Variants in CAMTA1 observed in about 807,000 individuals in gnomAD.
CAMTA1 encodes the protein calmodulin-binding transcription activator 1.
CAMTA1 carries 27 observed loss-of-function variants against 170.9 expected under a neutral mutation model. The ratio of observed to expected loss-of-function variants is 0.16; its 90% confidence interval spans 0.12 to 0.22. The LOEUF is 0.22. Ranked by LOEUF, CAMTA1 falls within the 10% of genes least tolerant of loss-of-function variation. CAMTA1 has a pLI of 1.00. For missense variants in CAMTA1, 1,619 were observed against 2,217.2 expected (o/e 0.73, Z 5.42); for synonymous variants, 833 against 891.5 (o/e 0.93, Z 1.17).
chr1:7,309,270 A>G lies in CAMTA1; in HGVS notation c.438+59644A>G, dbSNP rs1477538234. On this transcript the variant is annotated intron_variant, in intron 5 of 22. Transcript: ENST00000303635. The stretch of plus-strand genomic sequence containing the variant: ...TCATTCTGACAATCTCTGTCTTTTC[A>G]TTATTGCAGTTAGAAAATTTTTTTT... Among the ~76,000 whole-genome samples the G allele has an allele frequency of 2.8e-4, 34 of 119,482 alleles. 1 individual carries two copies. The East Asian group carries it at 7.5e-3, about 27-fold the overall frequency. The allele number at this position is 119,482 out of a possible 152,430, so 78.4% of individuals were successfully genotyped here.
chr1:6,900,456 A>C (rs1676684356), intron 3 of CAMTA1, among the ~76,000 whole-genome samples: 1 of 151,800 alleles, frequency 6.6e-6, no homozygotes, highest in Admixed American at 6.6e-5. Flanking sequence ...ATTGAAAAGC[A>C]CCTGTCTTTT....
chr1:7,172,454 A>G (rs772760734), intron 4 of CAMTA1, among the ~76,000 whole-genome samples: 14 of 152,182 alleles, frequency 9.2e-5, no homozygotes, highest in Admixed American at 4.6e-4. Context: ...CTGGTCCCCA[A>G]TGACTTCTTA....
In CAMTA1 at chr1:7,327,332, G is replaced by A. The variant is rs551484402; in HGVS notation, c.438+77706G>A. ...TGAGGCAGGAGAATGGCATGAACCC[G>A]GGAGACGGAGCTTGCAGTGAGCCGA... On this transcript the variant is annotated intron_variant, in intron 5 of 22. Transcript: ENST00000303635. 2.9e-3 allele frequency among the ~76,000 whole-genome samples: 437 copies of A among 150,744 alleles called. 2 individuals carry two copies. Among genetic ancestry groups the A allele is most frequent in the African/African-American group, 0.01 (417 of 40,954 alleles).
At chr1:7,729,215 C>T (rs1489326767) in intron 11 of CAMTA1, among the ~76,000 whole-genome samples, 1 of 150,314 alleles carries the variant, frequency 6.7e-6, no homozygotes, top group African/African-American at 2.4e-5. Context: ...CTCCTGAGTT[C>T]AAGCGATTTT....
At chr1:6,825,679 GCTTAATGC>G (rs892871529) in intron 3 of CAMTA1, among the ~76,000 whole-genome samples, 37 of 152,182 alleles carry the variant, frequency 2.4e-4, no homozygotes, top group Non-Finnish European at 4.1e-4. Context: ...AAGAAAGTTT[GCTTAATGC>G]TAAGAATTTT....
At chr1:7,467,700 G>T in intron 5 of CAMTA1, 130 bp from the exon 6 acceptor site, 1 of 831,544 alleles carries the variant, frequency 1.2e-6, no homozygotes. Flanking sequence ...AGACGCAGAG[G>T]TGCCCTCGGT....
rs199680940 is a variant in CAMTA1 at position 7,300,678 on chromosome 1, C to CA, written c.438+51065dup. On this transcript the variant is annotated intron_variant, in intron 5 of 22. Transcript: ENST00000303635. The surrounding 1 kb of genome is among the most constrained non-coding windows in gnomAD (Gnocchi z 4.1). ...GACAACAAAGAGCAAAACTCTGTCT[C>CA]AAAAAAAAAAAAATTGTATAGATAT... Among the ~76,000 whole-genome samples, 1,173 of 138,096 alleles carry CA rather than the reference C, an allele frequency of 8.5e-3. 9 individuals carry two copies. Among genetic ancestry groups the CA allele is most frequent in the African/African-American group, 0.013 (486 of 37,910 alleles). The allele number at this position is 138,096 out of a possible 152,430, so 90.6% of individuals were successfully genotyped here.
intron 3 of CAMTA1, among the ~76,000 whole-genome samples, chr1:7,057,229 T>C (rs140944609): frequency 1.3e-5 from 2 of 152,194 alleles, no homozygotes; most frequent in African/African-American, 4.8e-5. Flanking sequence ...GTTTTGCCTT[T>C]GGGTTTCTCA....
intron 3 of CAMTA1, chr1:6,874,312 C>T (rs1374528328): frequency 2.0e-5 from 3 of 152,284 alleles, no homozygotes; most frequent in Non-Finnish European, 4.4e-5. Flanking sequence ...GTTCGAATCC[C>T]ACCTCGACCT....
At position 7,329,414 on chromosome 1, in the gene CAMTA1, C is replaced by A. The variant is rs543375597; in HGVS notation, c.438+79788C>A. On this transcript the variant is annotated intron_variant, in intron 5 of 22. Coordinates refer to ENST00000303635, the MANE Select transcript of CAMTA1 (RefSeq NM_015215.4). ...AGTGGAAAGAAATTCCAAAATTTGA[C>A]ACCAAGCTTAGAACCAAGAGATTCT... Among the ~76,000 whole-genome samples, 15 of 152,266 alleles carry A rather than the reference C, an allele frequency of 9.9e-5. No individual in the cohort carries two copies. In the South Asian group the frequency reaches 3.1e-3, roughly 32 times the overall value.
intron 6 of CAMTA1, among the ~76,000 whole-genome samples, chr1:7,505,362 G>T (rs1252191014): frequency 6.6e-6 from 1 of 152,194 alleles, no homozygotes; most frequent in African/African-American, 2.4e-5. Flanking sequence ...CCTACCTGAG[G>T]GGTGTGCTGG....
chr1:7,057,092 G>A (rs1707450198), intron 3 of CAMTA1, among the ~76,000 whole-genome samples: 2 of 152,214 alleles, frequency 1.3e-5, no homozygotes, highest in Non-Finnish European at 1.5e-5. Context: ...AAGTGAGAGA[G>A]ACCGAGCCCC....
chr1:7,016,121 C>T (rs1219465925), intron 3 of CAMTA1, among the ~76,000 whole-genome samples: 4 of 152,166 alleles, frequency 2.6e-5, no homozygotes, highest in African/African-American at 9.7e-5. Flanking sequence ...ATCCTAACCC[C>T]CCGAAATCAC....
At chr1:7,708,050 G>A (rs1005206691) in intron 11 of CAMTA1, among the ~76,000 whole-genome samples, 1 of 152,186 alleles carries the variant, frequency 6.6e-6, no homozygotes, top group Non-Finnish European at 1.5e-5. Flanking sequence ...TAAAAATACG[G>A]CCAGGTGTGG....
At chr1:7,047,601 C>G (rs919256639) in intron 3 of CAMTA1, among the ~76,000 whole-genome samples, 1 of 152,140 alleles carries the variant, frequency 6.6e-6, no homozygotes, top group Non-Finnish European at 1.5e-5. Flanking sequence ...CTCTGAGTGA[C>G]CCTAGAAGTT....
chr1:7,440,095 G>A (rs1370491137), intron 5 of CAMTA1, among the ~76,000 whole-genome samples: 1 of 152,264 alleles, frequency 6.6e-6, no homozygotes, highest in Non-Finnish European at 1.5e-5. Flanking sequence ...TGGCACATTA[G>A]CCCATGGCTC....
At chr1:7,499,060 CGTGT>C (rs1274729015) in intron 6 of CAMTA1, among the ~76,000 whole-genome samples, 51 of 100,886 alleles carry the variant, frequency 5.1e-4, no homozygotes, top group Non-Finnish European at 7.2e-4. Context: ...GCCTGGTGTG[CGTGT>C]GTATGTATAT....
intron 1 of CAMTA1, among the ~76,000 whole-genome samples, chr1:6,814,697 G>GT (rs2148389177): frequency 6.6e-6 from 1 of 152,288 alleles, no homozygotes; most frequent in African/African-American, 2.4e-5. Flanking sequence ...CGTATCTACA[G>GT]TTTTTTCTTT....
chr1:7,718,270 T>C (rs2096626217), intron 11 of CAMTA1, among the ~76,000 whole-genome samples: 1 of 145,370 alleles, frequency 6.9e-6, no homozygotes, highest in Admixed American at 6.7e-5. Context: ...CCGTAAACAT[T>C]TGTGGAATGA....
Sources: allele counts gnomAD v4.1 joint callset (sites outside exome capture counted in the v4.1 genomes callset), GRCh38; gene constraint gnomAD v4.1.1; non-coding constraint Gnocchi (gnomAD v3.1); transcripts MANE v1.5; gene names NCBI Gene and HGNC (gene_info 2026-07-23, HGNC 2026-07-21).